The following ATG2A variants were observed in gnomAD, a reference collection of about 807,000 sequenced individuals.
ATG2A encodes autophagy related 2A, also known as autophagy-related protein 2 homolog A.
In ATG2A, 103 loss-of-function variants were observed where a neutral mutation model predicts 214.2. The observed-to-expected ratio is 0.48, with a 90% CI of 0.41 to 0.57. The LOEUF (loss-of-function observed/expected upper bound fraction) is 0.57, where lower values mean the gene tolerates loss of function less well. ATG2A is among the 20% of genes least tolerant of loss of function. The pLI is 0.00. For missense variants in ATG2A, 2,312 were observed against 2,613.2 expected, an observed-to-expected ratio of 0.88 and a Z score of 2.51; for synonymous variants, 1,160 against 1,142.1, an observed-to-expected ratio of 1.02 and a Z score of -0.32.
In ATG2A at chr11:64,913,220, C is replaced by T; in HGVS notation, c.726+46G>A. 3 of 1,612,024 alleles carry T rather than the reference C, an allele frequency of 1.9e-6. No individual in the cohort carries two copies. Among genetic ancestry groups the T allele is most frequent in the Non-Finnish European group, 1.7e-6 (2 of 1,179,654 alleles). On this transcript the variant is annotated intron_variant, in intron 5 of 40. Coordinates refer to ENST00000377264, the MANE Select transcript of ATG2A (RefSeq NM_015104.3). This position sits in a 1 kb window ranked among gnomAD's most constrained non-coding sequence, Gnocchi z 4.3. ...GAAAGGATGGGAGGGGCTCAATGGG[C>T]TCAAGGGAGAGGAGACAGGGGCTGT...
chr11:64,905,307 A>T (rs1944502269), intron 24 of ATG2A, among the ~76,000 whole-genome samples: 1 of 152,178 alleles, frequency 6.6e-6, no homozygotes, highest in South Asian at 2.1e-4. Context: ...ATAAGCATTA[A>T]ATCCCACCTC....
At position 64,914,251 on chromosome 11, in the gene ATG2A, G is replaced by T; in HGVS notation, c.335-18C>A. On this transcript the variant is annotated intron_variant, in intron 2 of 40. Coordinates refer to ENST00000377264, the MANE Select transcript of ATG2A (RefSeq NM_015104.3). ...CCCTGGCGCTGTAGGGAGAAACAGG[G>T]TCTCAAGGCAGGCAGGCCCAGTCAG... 2 of 1,551,558 alleles carry T rather than the reference G, an allele frequency of 1.3e-6. No individual in the cohort carries two copies. The highest frequency in any genetic ancestry group is 1.7e-6 in the Non-Finnish European group (2 of 1,146,772).
At chr11:64,896,319 C>T in intron 39 of ATG2A, 143 bp downstream of exon 39, 2 of 1,267,956 alleles carry the variant, frequency 1.6e-6, no homozygotes, top group Non-Finnish European at 2.1e-6. Context: ...CTTAGCCTCT[C>T]CGTGGCTGTT....
At position 64,917,082 on chromosome 11, in the gene ATG2A, G is replaced by A. The variant is rs1394128167; in HGVS notation, c.54C>T (p.Arg18=). 1.2e-6 allele frequency: 2 copies of A among 1,613,542 alleles called. No homozygotes were observed. Among genetic ancestry groups the A allele is most frequent in the Non-Finnish European group, 1.7e-6 (2 of 1,179,984 alleles). The part of the protein sequence containing the change: ...WSNCVKERVC[R]YLLHHYLGHF... ...GACCTAAGTAGTGGTGCAGCAAGTAGCGGCAGACCCGCTCTTTCACACAGT... is the reference window on the plus strand; with the variant it reads ...GACCTAAGTAGTGGTGCAGCAAGTAACGGCAGACCCGCTCTTTCACACAGT... Residue 18 remains arginine (R), a synonymous_variant, in exon 1 of 41, where the codon CGC becomes CGT. Transcript: ENST00000377264.
chr11:64,897,878 T>C lies in ATG2A; in HGVS notation c.4955A>G (p.His1652Arg). The C allele has an allele frequency of 6.3e-7, 1 of 1,585,676 alleles. No homozygotes were observed. Among genetic ancestry groups the C allele is most frequent in the Non-Finnish European group, 8.6e-7 (1 of 1,164,574 alleles). Residue 1652 changes from histidine (H) to arginine (R), a missense_variant, in exon 35 of 41, where the codon CAC becomes CGC. His to Arg is a conservative substitution (Grantham distance 29, BLOSUM62 0). Transcript: ENST00000377264. ...CTGCTGGTCAGGAGGGGAGGGGCTG[T>C]GTCCACCTCCTGGGGCCTCCTGCGA... ...TGSQEAPGGGHSPSPPDQQPI... is the reference protein window; with the variant it reads ...TGSQEAPGGGRSPSPPDQQPI...
chr11:64,911,402 G>A, intron 9 of ATG2A, 127 bp from the exon 10 acceptor site: 1 of 941,264 alleles, frequency 1.1e-6, no homozygotes, highest in Non-Finnish European at 1.6e-6. Context: ...CTGGCAGAAG[G>A]CTTGGTCAGG....
chr11:64,906,723 G>C lies in ATG2A; in HGVS notation c.2925C>G (p.Gly975=), dbSNP rs1001121458. The C allele has an allele frequency of 1.9e-6, 3 of 1,613,702 alleles. No individual in the cohort carries two copies. The Admixed American group carries it at 5.0e-5, about 27-fold the overall frequency. Residue 975 remains glycine, a synonymous_variant, in exon 20 of 41, where the codon GGC becomes GGG. Coordinates refer to ENST00000377264, the MANE Select transcript of ATG2A (RefSeq NM_015104.3). Reference sequence around the variant, plus strand: ...GACAGAAGTAGCCAAGTCCTGGCTGGCCACAGTACTGGGAGACGCTGAAGA... The same window carrying C: ...GACAGAAGTAGCCAAGTCCTGGCTGCCCACAGTACTGGGAGACGCTGAAGA... ...GTLFSVSQYC[G]QPGLGYFCLE... is the part of the protein sequence containing the mutation.
intron 29 of ATG2A, 22 bp downstream of exon 29, chr11:64,901,940 G>T (rs79516487): frequency 0.049 from 78,480 of 1,608,954 alleles, 2,662 homozygotes; most frequent in African/African-American, 0.15. Flanking sequence ...CGGCAAACTG[G>T]TCCATCCCTC....
chr11:64,907,148 G>T (rs1944582140), intron 19 of ATG2A, 107 bp downstream of exon 19: 2 of 1,331,076 alleles, frequency 1.5e-6, no homozygotes, highest in South Asian at 1.5e-5. Context: ...GCCCACTCAG[G>T]CCTCCTGCTC....
Position 64,914,383 on chromosome 11 carries a change from G to C in ATG2A, c.289C>G (p.Arg97Gly). The C allele has an allele frequency of 6.2e-7, 1 of 1,611,092 alleles. No individual in the cohort carries two copies. The highest frequency in any genetic ancestry group is 8.5e-7 in the Non-Finnish European group (1 of 1,179,224). ...AALLTDHCTV[R>G]VSGLQLTLQP... ...AAGGTGAGCTGGAGGCCGGACACGC[G>C]CACTGTGCAGTGGTCGGTGAGCAGA... The change falls in exon 2 of 41, where the codon CGC becomes GGC. Residue 97 changes from arginine to glycine, a missense_variant. Arg to Gly is a moderately radical substitution (Grantham distance 125). Coordinates refer to ENST00000377264, the MANE Select transcript of ATG2A (RefSeq NM_015104.3).
At chr11:64,908,891 T>C (rs1363049786) in intron 16 of ATG2A, 100 bp downstream of exon 16, 1 of 1,389,938 alleles carries the variant, frequency 7.2e-7, no homozygotes, top group Non-Finnish European at 9.7e-7. Context: ...CCCCAGGTGG[T>C]CGTGCTGCCC....
In ATG2A at chr11:64,898,924, CTT is replaced by C; in HGVS notation, c.4465-84_4465-83del. On this transcript the variant is annotated intron_variant, in intron 31 of 40. Transcript: ENST00000377264. This position sits in a 1 kb window ranked among gnomAD's most constrained non-coding sequence, Gnocchi z 4.5. ...GCTGGCCCCAGACCCCTTCTCTATT[CTT>C]TTTTTGAGACAGAGTCTCACTCTGT... The C allele has an allele frequency of 7.4e-7, 1 of 1,352,396 alleles. No individual in the cohort carries two copies. The highest frequency in any genetic ancestry group is 1.0e-6 in the Non-Finnish European group (1 of 985,474). 83.8% of individuals were successfully genotyped at this position (1,352,396 alleles called of 1,614,324 possible).
At position 64,898,210 on chromosome 11, in the gene ATG2A, C is replaced by T. The variant is rs374841480; in HGVS notation, c.4774-40G>A. On this transcript the variant is annotated intron_variant, in intron 33 of 40. Transcript: ENST00000377264. This position sits in a 1 kb window ranked among gnomAD's most constrained non-coding sequence, Gnocchi z 4.5. ...TCCAGATGTGGATCAGACTCAGAGG[C>T]CTGGAGACAGTGGGGTCACCCTAGG... is the stretch of plus-strand genomic sequence containing the variant. 295 of 1,613,626 alleles carry T rather than the reference C, an allele frequency of 1.8e-4. No individual in the cohort carries two copies. The highest frequency in any genetic ancestry group is 2.4e-4 in the Non-Finnish European group (280 of 1,179,776).
chr11:64,906,582 T>C, intron 20 of ATG2A, 49 bp from the exon 21 acceptor site: 2 of 1,608,534 alleles, frequency 1.2e-6, no homozygotes, highest in Middle Eastern at 1.7e-4. Context: ...GGCTACCCAC[T>C]CCACCCAGGG....
At chr11:64,910,548 C>G in intron 12 of ATG2A, 68 bp downstream of exon 12, 1 of 1,520,888 alleles carries the variant, frequency 6.6e-7, no homozygotes. Context: ...AGAGGAGGCC[C>G]TGGCAGAGGC....
At position 64,902,107 on chromosome 11, in the gene ATG2A, G is replaced by A. The variant is rs200924733; in HGVS notation, c.3974C>T (p.Pro1325Leu). Residue 1325 changes from proline to leucine, a missense_variant, in exon 29 of 41, where the codon CCC (proline) becomes CTC (leucine). Physicochemically the swap from Pro to Leu is moderately conservative, Grantham distance 98 (BLOSUM62 -3). Transcript: ENST00000377264. Reference protein sequence around the residue: ...LFPGERSGAPPPSPPVGGPAG... With the variant: ...LFPGERSGAPLPSPPVGGPAG... ...AGGGCCCCCGACAGGTGGTGAAGGG[G>A]GTGGGGCCCCACTCCGTTCACCTGG... 77 of 1,613,966 alleles carry A rather than the reference G, an allele frequency of 4.8e-5. No homozygotes were observed. The East Asian group carries it at 1.7e-3, about 35-fold the overall frequency.
rs977174896 is a variant in ATG2A at position 64,902,750 on chromosome 11, G to T, written c.3613-70C>A. ...CACTGCCTGCTGGCCCCACCCGCTCGCTGGGAGGGCACCGCAGTTCTGATC... is the reference window on the plus strand; with the variant it reads ...CACTGCCTGCTGGCCCCACCCGCTCTCTGGGAGGGCACCGCAGTTCTGATC... On this transcript the variant is annotated intron_variant, in intron 26 of 40. Coordinates refer to ENST00000377264, the MANE Select transcript of ATG2A (RefSeq NM_015104.3). The T allele has an allele frequency of 7.7e-6, 11 of 1,429,584 alleles. No homozygotes were observed. The South Asian group carries it at 1.3e-4, about 16-fold the overall frequency. The allele number at this position is 1,429,584 out of a possible 1,614,324, so 88.6% of individuals were successfully genotyped here.
chr11:64,907,894 G>GAC lies in ATG2A; in HGVS notation c.2365-6_2365-5dup, dbSNP rs764087874. The GAC allele has an allele frequency of 6.2e-7, 1 of 1,611,256 alleles. No individual in the cohort carries two copies. Among genetic ancestry groups the GAC allele is most frequent in the South Asian group, 1.1e-5 (1 of 90,420 alleles). On this transcript the variant is annotated splice_polypyrimidine_tract_variant and splice_region_variant and intron_variant, in intron 16 of 40. Transcript: ENST00000377264. Reference sequence around the variant, plus strand: ...CAGGGTCTCCAGGGATCACCATCTGGACAGGGTGAGGTGGAAAGAGCAGGA... The same window carrying GAC: ...CAGGGTCTCCAGGGATCACCATCTGGACACAGGGTGAGGTGGAAAGAGCAGGA...
At position 64,894,900 on chromosome 11, in the gene ATG2A, C is replaced by A. The variant is rs1195277079; in HGVS notation, c.*73G>T. On this transcript the variant is annotated 3_prime_UTR_variant, in exon 41 of 41. Coordinates refer to ENST00000377264, the MANE Select transcript of ATG2A (RefSeq NM_015104.3). ...CCCTGAAGGGCCAGGCCGGGCCGGG[C>A]CCGTGGGCTGCAGCTCTTGGGAGGC... 1 of 1,565,928 alleles carries A rather than the reference C, an allele frequency of 6.4e-7. No homozygotes were observed. Among genetic ancestry groups the A allele is most frequent in the Non-Finnish European group, 8.7e-7 (1 of 1,144,244 alleles).
Sources: allele counts gnomAD v4.1 joint callset (sites outside exome capture counted in the v4.1 genomes callset), GRCh38; gene constraint gnomAD v4.1.1; non-coding constraint Gnocchi (gnomAD v3.1); transcripts MANE v1.5; gene names NCBI Gene and HGNC (gene_info 2026-07-23, HGNC 2026-07-21).